Variants in SIK3 observed in about 807,000 individuals in gnomAD.
SIK3 encodes SIK family kinase 3, also known as serine/threonine-protein kinase SIK3.
Under a neutral mutation model 144.2 loss-of-function variants are expected in SIK3, and 28 were observed. The ratio of observed to expected loss-of-function variants is 0.19; its 90% CI spans 0.14 to 0.27. SIK3 has a LOEUF of 0.27. Ranked by LOEUF, SIK3 falls within the 10% of genes least tolerant of loss-of-function variation. The probability of loss-of-function intolerance (pLI) is 1.00; values close to 1 mark genes in which losing one functional copy is unlikely to be tolerated. For synonymous variants in SIK3, 686 were observed against 676.3 expected (o/e 1.01, Z -0.22); for missense variants, 1,319 against 1,776.0 (o/e 0.74, Z 4.62).
At chr11:117,084,500 A>T (rs1477825513) in intron 1 of SIK3, among the ~76,000 whole-genome samples, 2 of 152,186 alleles carry the variant, frequency 1.3e-5, no homozygotes, top group Admixed American at 1.3e-4. Context: ...TCCTGACCTC[A>T]GGTGATCCGC....
intron 1 of SIK3, among the ~76,000 whole-genome samples, chr11:117,072,690 A>G (rs1954334459): frequency 6.6e-6 from 1 of 152,208 alleles, no homozygotes; most frequent in Non-Finnish European, 1.5e-5. Context: ...CAAATGGCTG[A>G]GGCTTACCAC....
chr11:117,091,173 TC>T (rs1369298661), intron 1 of SIK3, among the ~76,000 whole-genome samples: 5 of 149,782 alleles, frequency 3.3e-5, no homozygotes, highest in Non-Finnish European at 7.4e-5. Flanking sequence ...ACTTTAAAAG[TC>T]CGTAAAATCC....
chr11:116,883,475 A>G (rs555371172), intron 6 of SIK3, among the ~76,000 whole-genome samples: 3 of 152,364 alleles, frequency 2.0e-5, no homozygotes, highest in South Asian at 4.1e-4. Flanking sequence ...GAAGCCAGCC[A>G]GAGTTAGGAA....
At chr11:116,960,301 G>A (rs1005753058) in intron 1 of SIK3, among the ~76,000 whole-genome samples, 12 of 152,150 alleles carry the variant, frequency 7.9e-5, no homozygotes, top group Middle Eastern at 6.8e-3. Context: ...AAAGGCAGGC[G>A]GATGGCTTGA....
intron 1 of SIK3, among the ~76,000 whole-genome samples, chr11:117,085,699 C>T (rs775488341): frequency 2.3e-4 from 35 of 152,120 alleles, no homozygotes; most frequent in Admixed American, 3.9e-4. Flanking sequence ...AAGAGTAATG[C>T]ATGAGCCAGG....
intron 1 of SIK3, among the ~76,000 whole-genome samples, chr11:116,980,474 T>C (rs1455369404): frequency 6.6e-6 from 1 of 152,234 alleles, no homozygotes; most frequent in Non-Finnish European, 1.5e-5. Context: ...TATTTTACAA[T>C]AAAGTGCTGA....
At chr11:117,007,397 A>G (rs1951090567) in intron 1 of SIK3, among the ~76,000 whole-genome samples, 1 of 152,232 alleles carries the variant, frequency 6.6e-6, no homozygotes, top group Non-Finnish European at 1.5e-5. Flanking sequence ...AAACAAACAA[A>G]AAAGGATCAA....
At chr11:117,034,450 T>C (rs1264560944) in intron 1 of SIK3, among the ~76,000 whole-genome samples, 1 of 152,194 alleles carries the variant, frequency 6.6e-6, no homozygotes, top group Non-Finnish European at 1.5e-5. Context: ...GGTTTATTTG[T>C]AAAACACGAT....
intron 6 of SIK3, among the ~76,000 whole-genome samples, chr11:116,891,779 GA>G (rs1219563585): frequency 6.6e-6 from 1 of 152,192 alleles, no homozygotes; most frequent in African/African-American, 2.4e-5. Flanking sequence ...CAATAGATTA[GA>G]GGGGGACAAG....
At chr11:117,030,348 G>C (rs1340208013) in intron 1 of SIK3, among the ~76,000 whole-genome samples, 1 of 151,958 alleles carries the variant, frequency 6.6e-6, no homozygotes, top group Non-Finnish European at 1.5e-5. Context: ...CAACAAAATG[G>C]AACTACTTTA....
At chr11:116,967,009 A>AAAAAAGAAAAAG (rs1006216341) in intron 1 of SIK3, among the ~76,000 whole-genome samples, 1 of 143,446 alleles carries the variant, frequency 7.0e-6, no homozygotes, top group African/African-American at 2.6e-5. Context: ...GTTTCAAAAA[A>AAAAAAGAAAAAG]AAAAAGAAAA....
intron 4 of SIK3, among the ~76,000 whole-genome samples, chr11:116,899,801 A>G (rs609177): frequency 0.45 from 68,886 of 151,962 alleles, 18,955 homozygotes; most frequent in Non-Finnish European, 0.63. Context: ...GAAATCCCTC[A>G]TGCCCCAGGG....
In SIK3 at chr11:116,867,947, G is replaced by T; in HGVS notation, c.1951C>A (p.Arg651Ser). ...WPPHLVPDQHRSTYKDSNTLH... is the reference protein window; with the variant it reads ...WPPHLVPDQHSSTYKDSNTLH... ...CGCACAGCTCATGTGGCTACTCACC[G>T]ATGCTGATCAGGTACCAGGTGAGGA... Residue 651 changes from arginine to serine, a missense_variant and splice_region_variant, in exon 15 of 25, where the codon CGC becomes AGC. Arg to Ser is a moderately radical substitution (Grantham distance 110). Transcript: ENST00000445177. This position sits in a 1 kb window ranked among gnomAD's most constrained non-coding sequence, Gnocchi z 4.1. 1 of 1,538,430 alleles carries T rather than the reference G, an allele frequency of 6.5e-7. No individual in the cohort carries two copies. The highest frequency in any genetic ancestry group is 8.8e-7 in the Non-Finnish European group (1 of 1,140,138).
At chr11:116,983,246 G>C (rs1950213016) in intron 1 of SIK3, among the ~76,000 whole-genome samples, 1 of 134,816 alleles carries the variant, frequency 7.4e-6, no homozygotes, top group South Asian at 2.4e-4. Context: ...AAAAAAAATT[G>C]ATCGGCCAGG....
chr11:117,007,838 C>T (rs993676642), intron 1 of SIK3, among the ~76,000 whole-genome samples: 2 of 152,122 alleles, frequency 1.3e-5, no homozygotes, highest in African/African-American at 2.4e-5. Context: ...AATCCCAACA[C>T]TTTGGGAGGC....
intron 9 of SIK3, 51 bp downstream of exon 9, chr11:116,875,815 A>AC (rs758778569): frequency 5.8e-6 from 9 of 1,547,502 alleles, no homozygotes; most frequent in Non-Finnish European, 7.8e-6. Context: ...GCTAACCTTT[A>AC]CCCCCCTGGT....
chr11:116,874,604 C>T (rs752178353), intron 11 of SIK3, among the ~76,000 whole-genome samples: 12 of 152,194 alleles, frequency 7.9e-5, no homozygotes, highest in Non-Finnish European at 2.9e-5. Context: ...GTCTGTGGAG[C>T]CAGAATGTTC....
chr11:116,864,021 T>C (rs777772616), intron 15 of SIK3: 1 of 466,242 alleles, frequency 2.1e-6, no homozygotes. Flanking sequence ...ACATCTTCCA[T>C]TTCTACTTAC....
chr11:116,975,578 A>G (rs892176808), intron 1 of SIK3, among the ~76,000 whole-genome samples: 1 of 152,192 alleles, frequency 6.6e-6, no homozygotes, highest in Admixed American at 6.5e-5. Flanking sequence ...ATTCCATTGT[A>G]TGGATATATT....
Sources: allele counts gnomAD v4.1 joint callset (sites outside exome capture counted in the v4.1 genomes callset), GRCh38; gene constraint gnomAD v4.1.1; non-coding constraint Gnocchi (gnomAD v3.1); transcripts MANE v1.5; gene names NCBI Gene and HGNC (gene_info 2026-07-23, HGNC 2026-07-21).